Variants in ZNF438 observed in about 807,000 individuals in gnomAD.
ZNF438 encodes zinc finger protein 438.
A neutral mutation model predicts 38.0 loss-of-function variants in ZNF438; 25 were observed. The ratio of observed to expected loss-of-function variants is 0.66; its 90% CI spans 0.48 to 0.92. ZNF438 has a LOEUF of 0.92. Ranked by LOEUF, ZNF438 falls within the 40% of genes least tolerant of loss-of-function variation. The probability of loss-of-function intolerance (pLI) is 0.00; values close to 1 mark genes in which losing one functional copy is unlikely to be tolerated. For synonymous variants in ZNF438, 372 were observed against 364.1 expected (o/e 1.02, Z -0.25); for missense variants, 1,007 against 999.6 (o/e 1.01, Z -0.10).
intron 1 of ZNF438, among the ~76,000 whole-genome samples, chr10:30,988,533 T>C (rs2053111476): frequency 6.6e-6 from 1 of 152,100 alleles, no homozygotes; most frequent in South Asian, 2.1e-4. Flanking sequence ...ATTATAATTA[T>C]TGTACCTAAT....
At chr10:30,846,067 A>G (rs56006485) in intron 5 of ZNF438, among the ~76,000 whole-genome samples, 7,731 of 152,238 alleles carry the variant, frequency 0.051, 645 homozygotes, top group African/African-American at 0.18. Flanking sequence ...TTGCTTTTCT[A>G]GAGTTTCTCC....
At position 30,960,294 on chromosome 10, in the gene ZNF438, C is replaced by G. The variant is rs146602035; in HGVS notation, c.-191-18643G>C. On this transcript the variant is annotated intron_variant, in intron 1 of 5. Transcript: ENST00000413025. ...TTAATTTTAATTAAGTCAAATTCATCAATTTTTTATCTTATGGCTCATGCT... is the reference window on the plus strand; with the variant it reads ...TTAATTTTAATTAAGTCAAATTCATGAATTTTTTATCTTATGGCTCATGCT... Among the ~76,000 whole-genome samples the G allele has an allele frequency of 2.6e-3, 384 of 147,210 alleles. 12 individuals are homozygous for G. The highest frequency in any genetic ancestry group is 8.7e-3 in the African/African-American group (357 of 41,226).
intron 1 of ZNF438, among the ~76,000 whole-genome samples, chr10:30,995,762 T>C (rs1470783527): frequency 6.6e-6 from 1 of 152,156 alleles, no homozygotes; most frequent in Non-Finnish European, 1.5e-5. Context: ...GAGAACAAAG[T>C]TCTTCGGGAG....
At chr10:30,881,547 A>G (rs2039259638) in intron 3 of ZNF438, among the ~76,000 whole-genome samples, 1 of 152,168 alleles carries the variant, frequency 6.6e-6, no homozygotes, top group Non-Finnish European at 1.5e-5. Context: ...TGTTGTTAAA[A>G]TGGCAATTCT....
chr10:31,001,241 A>C (rs754559552), intron 1 of ZNF438, among the ~76,000 whole-genome samples: 6 of 152,246 alleles, frequency 3.9e-5, no homozygotes, highest in Non-Finnish European at 8.8e-5. Flanking sequence ...ACTACCATTT[A>C]TATTTGACAT....
intron 1 of ZNF438, among the ~76,000 whole-genome samples, chr10:30,997,608 A>G (rs1176830239): frequency 6.6e-6 from 1 of 150,712 alleles, no homozygotes. Flanking sequence ...GGAGGAGTGA[A>G]GGGCCATGAA....
At chr10:30,951,922 A>T (rs2135807717) in intron 1 of ZNF438, among the ~76,000 whole-genome samples, 1 of 151,962 alleles carries the variant, frequency 6.6e-6, no homozygotes, top group Admixed American at 6.6e-5. Flanking sequence ...TATGGAACCA[A>T]AAAAGAGCCC....
At chr10:31,013,318 CA>C (rs755922273) in intron 1 of ZNF438, among the ~76,000 whole-genome samples, 137 of 142,654 alleles carry the variant, frequency 9.6e-4, no homozygotes, top group Middle Eastern at 3.8e-3. Context: ...GACTCCGTCT[CA>C]AAAAAAAAAA....
At chr10:30,875,115 T>C (rs945454498) in intron 4 of ZNF438, among the ~76,000 whole-genome samples, 4 of 152,172 alleles carry the variant, frequency 2.6e-5, no homozygotes, top group African/African-American at 9.7e-5. Context: ...CAGAAAAGAC[T>C]GGGTAAGGAG....
At chr10:30,912,362 TC>T (rs1474115171) in intron 2 of ZNF438, among the ~76,000 whole-genome samples, 1 of 152,150 alleles carries the variant, frequency 6.6e-6, no homozygotes, top group East Asian at 1.9e-4. Flanking sequence ...CCCTTTCTCT[TC>T]TTTTATATCA....
chr10:30,876,297 G>A (rs1437444320), intron 4 of ZNF438, among the ~76,000 whole-genome samples: 1 of 152,068 alleles, frequency 6.6e-6, no homozygotes, highest in African/African-American at 2.4e-5. Context: ...ATACATGTCA[G>A]AACTTCTCTT....
At position 31,029,422 on chromosome 10, in the gene ZNF438, C is replaced by G. The variant is rs183617123; in HGVS notation, c.-192+2411G>C. On this transcript the variant is annotated intron_variant, in intron 1 of 5. Transcript: ENST00000413025. ...TGTAATTTTCCTCAGTAAACAGCAC[C>G]ACTATACTTCTAGTTGTTCCAGCCT... Among the ~76,000 whole-genome samples, 16 of 152,242 alleles carry G rather than the reference C, an allele frequency of 1.1e-4. No individual in the cohort carries two copies. The East Asian group carries it at 3.1e-3, about 29-fold the overall frequency.
chr10:30,849,333 C>T, exon 5 of ZNF438: 2 of 1,614,198 alleles, frequency 1.2e-6, no homozygotes, highest in East Asian at 2.2e-5. Flanking sequence ...AAGGCACTTT[C>T]ACAGGCACTC....
chr10:30,859,503 G>A (rs2035230239), intron 4 of ZNF438, among the ~76,000 whole-genome samples: 1 of 152,170 alleles, frequency 6.6e-6, no homozygotes, highest in South Asian at 2.1e-4. Context: ...GTGTGGTTAT[G>A]GCCAGCATCT....
chr10:30,945,034 G>A (rs190710317), intron 1 of ZNF438, among the ~76,000 whole-genome samples: 115 of 149,062 alleles, frequency 7.7e-4, no homozygotes, highest in Admixed American at 1.2e-3. Flanking sequence ...CTACTTTACA[G>A]TACTCTTCCA....
rs182798120 is a variant in ZNF438, at chr10:31,000,063, G to A, written c.-192+31770C>T. ...CACTCATTCTCATGACTTTTATGTCGGCAACGAAATGCTTATTCCCAAATT... is the reference window on the plus strand; with the variant it reads ...CACTCATTCTCATGACTTTTATGTCAGCAACGAAATGCTTATTCCCAAATT... On this transcript the variant is annotated intron_variant, in intron 1 of 5. Coordinates refer to ENST00000413025, the Ensembl canonical transcript of ZNF438. 3.2e-4 allele frequency among the ~76,000 whole-genome samples: 48 copies of A among 151,686 alleles called. 2 individuals are homozygous for A. The highest frequency in any genetic ancestry group is 1.1e-3 in the African/African-American group (44 of 41,310).
At position 30,957,663 on chromosome 10, in the gene ZNF438, A is replaced by C. The variant is rs2049012185; in HGVS notation, c.-191-16012T>G. Among the ~76,000 whole-genome samples, 3 of 152,256 alleles carry C rather than the reference A, an allele frequency of 2.0e-5. No homozygotes were observed. The South Asian group carries it at 6.2e-4, about 32-fold the overall frequency. On this transcript the variant is annotated intron_variant, in intron 1 of 5. Transcript: ENST00000413025. The stretch of plus-strand genomic sequence containing the variant: ...CATGTTCATCAATCAGCTGGCTGTA[A>C]ATACATGGATTTCTGGGTTCTCTAT...
At chr10:30,937,667 T>C (rs1389159676) in intron 2 of ZNF438, among the ~76,000 whole-genome samples, 1 of 152,190 alleles carries the variant, frequency 6.6e-6, no homozygotes, top group Non-Finnish European at 1.5e-5. Context: ...AATCAGTTTA[T>C]AAAACAGATC....
At chr10:30,989,268 T>C (rs1207345786) in intron 1 of ZNF438, among the ~76,000 whole-genome samples, 3 of 152,200 alleles carry the variant, frequency 2.0e-5, no homozygotes, top group East Asian at 3.8e-4. Flanking sequence ...GAACCCTGAC[T>C]AATAATATAC....
Sources: allele counts gnomAD v4.1 joint callset (sites outside exome capture counted in the v4.1 genomes callset), GRCh38; gene constraint gnomAD v4.1.1; transcripts MANE v1.5; gene names NCBI Gene and HGNC (gene_info 2026-07-23, HGNC 2026-07-21).